Variants in CRPPA observed in about 807,000 individuals in gnomAD.
CRPPA encodes the protein D-ribitol-5-phosphate cytidylyltransferase.
CRPPA carries 43 observed loss-of-function variants against 52.0 expected under a neutral mutation model. The observed-to-expected ratio is 0.83, with a 90% CI of 0.65 to 1.07. The LOEUF (loss-of-function observed/expected upper bound fraction) is 1.07, where lower values mean the gene tolerates loss of function less well. CRPPA is among the 50% of genes least tolerant of loss of function. CRPPA has a pLI of 0.00. For synonymous variants in CRPPA, 250 were observed against 203.5 expected, an observed-to-expected ratio of 1.23 and a Z score of -1.94; for missense variants, 629 against 551.7, an observed-to-expected ratio of 1.14 and a Z score of -1.40.
intron 1 of CRPPA, among the ~76,000 whole-genome samples, chr7:16,416,462 A>G (rs757746305): frequency 5.3e-5 from 8 of 152,186 alleles, no homozygotes; most frequent in Non-Finnish European, 1.2e-4. Flanking sequence ...AGCCTTGGGA[A>G]AGAATTTCTG....
At chr7:16,398,177 G>T (rs377347890) in intron 2 of CRPPA, among the ~76,000 whole-genome samples, 3 of 151,992 alleles carry the variant, frequency 2.0e-5, no homozygotes, top group African/African-American at 7.3e-5. Flanking sequence ...ACACATGATC[G>T]GCCTGTTGCC....
intron 5 of CRPPA, among the ~76,000 whole-genome samples, chr7:16,300,015 C>T (rs982967215): frequency 2.0e-5 from 3 of 152,104 alleles, no homozygotes; most frequent in Admixed American, 1.3e-4. Flanking sequence ...AGGACACGAC[C>T]GACCACATCA....
In CRPPA at chr7:16,274,249, C is replaced by T. The variant is rs372692013; in HGVS notation, c.933+3880G>A. ...TATTTTTAGTAGAGACAGGTTTCAC[C>T]GTGTTAGCCAGGATGGTCTCGATCT... is the stretch of plus-strand genomic sequence containing the variant. On this transcript the variant is annotated intron_variant, in intron 6 of 9. Coordinates refer to ENST00000407010, the MANE Select transcript of CRPPA (RefSeq NM_001101426.4). Among the ~76,000 whole-genome samples the T allele has an allele frequency of 5.3e-5, 8 of 152,084 alleles. No homozygotes were observed. The East Asian group carries it at 1.2e-3, about 22-fold the overall frequency.
At chr7:16,095,568 T>C (rs1332894948) in intron 9 of CRPPA, among the ~76,000 whole-genome samples, 1 of 152,236 alleles carries the variant, frequency 6.6e-6, no homozygotes, top group Non-Finnish European at 1.5e-5. Flanking sequence ...GGAAAACTTA[T>C]GTGAGAATAT....
intron 9 of CRPPA, among the ~76,000 whole-genome samples, chr7:16,159,275 T>C (rs951146617): frequency 1.3e-5 from 2 of 152,066 alleles, no homozygotes; most frequent in Non-Finnish European, 2.9e-5. Flanking sequence ...AAATTAGCCC[T>C]GGTGTGTGAT....
At chr7:16,119,009 C>G (rs964851121) in intron 9 of CRPPA, among the ~76,000 whole-genome samples, 77 of 152,178 alleles carry the variant, frequency 5.1e-4, no homozygotes, top group Admixed American at 4.9e-3. Context: ...AACCTCTGCC[C>G]CATTCACTCA....
intron 8 of CRPPA, among the ~76,000 whole-genome samples, chr7:16,254,792 G>GAAGGAAGGAAAGAAA (rs1783573898): frequency 2.9e-5 from 3 of 101,756 alleles, no homozygotes; most frequent in African/African-American, 8.2e-5. Flanking sequence ...AAAGAAAGAA[G>GAAGGAAGGAAAGAAA]GAAAGAAAGA....
In CRPPA at chr7:16,105,464, T is replaced by C. The variant is rs1216347465; in HGVS notation, c.1252-13665A>G. Reference sequence around the variant, plus strand: ...CATACCCATCCCTACCATTCTGGCATGCTTCCTAGAAAGCCCACTTTGGTT... The same window carrying C: ...CATACCCATCCCTACCATTCTGGCACGCTTCCTAGAAAGCCCACTTTGGTT... On this transcript the variant is annotated intron_variant, in intron 9 of 9. Transcript: ENST00000407010. Among the ~76,000 whole-genome samples, 4 of 152,314 alleles carry C rather than the reference T, an allele frequency of 2.6e-5. No individual in the cohort carries two copies. In the East Asian group the frequency reaches 7.7e-4, roughly 29 times the overall value.
chr7:16,127,705 A>G (rs546797100), intron 9 of CRPPA, among the ~76,000 whole-genome samples: 52 of 152,276 alleles, frequency 3.4e-4, no homozygotes, highest in Non-Finnish European at 4.7e-4. Context: ...AAGCATGGAT[A>G]TTGCCAAATT....
At chr7:16,301,596 T>TG in intron 4 of CRPPA, 130 bp from the exon 5 acceptor site, 2 of 562,798 alleles carry the variant, frequency 3.6e-6, no homozygotes, top group East Asian at 2.8e-5. Context: ...TTTTCTCAAT[T>TG]AGAAAAGCAT....
At chr7:16,410,675 A>G (rs1788058684) in intron 1 of CRPPA, among the ~76,000 whole-genome samples, 1 of 152,040 alleles carries the variant, frequency 6.6e-6, no homozygotes, top group African/African-American at 2.4e-5. Context: ...AGCCTACTTC[A>G]TGCACATCAC....
chr7:16,091,999 A>G (rs1781847662), intron 9 of CRPPA, among the ~76,000 whole-genome samples, 200 bp from the exon 10 acceptor site: 1 of 152,232 alleles, frequency 6.6e-6, no homozygotes, highest in South Asian at 2.1e-4. Context: ...AGACCAAAAA[A>G]TATTTGCTTA....
chr7:16,213,859 T>C (rs1012585495), intron 9 of CRPPA, among the ~76,000 whole-genome samples: 1 of 152,212 alleles, frequency 6.6e-6, no homozygotes, highest in Non-Finnish European at 1.5e-5. Flanking sequence ...TAGTCATGTC[T>C]ATAGGATTAT....
intron 2 of CRPPA, among the ~76,000 whole-genome samples, chr7:16,379,911 G>A (rs891847270): frequency 6.6e-6 from 1 of 152,092 alleles, no homozygotes; most frequent in Non-Finnish European, 1.5e-5. Context: ...GGGTTTTCTA[G>A]ATATACAATC....
chr7:16,173,948 G>A (rs980378432), intron 9 of CRPPA, among the ~76,000 whole-genome samples: 3 of 152,140 alleles, frequency 2.0e-5, no homozygotes, highest in African/African-American at 7.2e-5. Flanking sequence ...AGAAAAAACT[G>A]AATTCTTACC....
intron 8 of CRPPA, among the ~76,000 whole-genome samples, chr7:16,251,801 C>A (rs546331583): frequency 9.9e-5 from 15 of 152,104 alleles, no homozygotes; most frequent in Non-Finnish European, 2.1e-4. Flanking sequence ...GATACTCCAA[C>A]ATCACAATGA....
chr7:16,118,930 G>C (rs1336113433), intron 9 of CRPPA, among the ~76,000 whole-genome samples: 1 of 152,134 alleles, frequency 6.6e-6, no homozygotes, highest in East Asian at 1.9e-4. Context: ...TCAGCTGAGG[G>C]AGAAAGGAGG....
intron 9 of CRPPA, among the ~76,000 whole-genome samples, chr7:16,202,511 A>T (rs945022662): frequency 6.6e-5 from 10 of 152,204 alleles, no homozygotes; most frequent in Admixed American, 1.3e-4. Flanking sequence ...TCTAGAAATA[A>T]AGTGATAAAC....
At chr7:16,205,688 G>C (rs1351208105) in intron 9 of CRPPA, among the ~76,000 whole-genome samples, 1 of 151,914 alleles carries the variant, frequency 6.6e-6, no homozygotes, top group African/African-American at 2.4e-5. Flanking sequence ...TGAGTAACTA[G>C]ATTTGAGCAA....
Sources: allele counts gnomAD v4.1 joint callset (sites outside exome capture counted in the v4.1 genomes callset), GRCh38; gene constraint gnomAD v4.1.1; transcripts MANE v1.5; gene names NCBI Gene and HGNC (gene_info 2026-07-23, HGNC 2026-07-21).